NRP1: variants seen among roughly 807,000 people sequenced by gnomAD.
NRP1 encodes neuropilin-1.
Under a neutral mutation model 106.7 loss-of-function variants are expected in NRP1, and 35 were observed. That is an observed-to-expected ratio of 0.33 (90% CI 0.25 to 0.43). NRP1 has a LOEUF of 0.43. Among genes scored for constraint, NRP1 ranks in the 20% least tolerant of loss-of-function variants. NRP1 has a pLI of 1.00. For missense variants in NRP1, 1,024 were observed against 1,170.4 expected (o/e 0.87, Z 1.83); for synonymous variants, 437 against 417.9 (o/e 1.05, Z -0.56).
intron 6 of NRP1, among the ~76,000 whole-genome samples, chr10:33,233,371 G>A (rs1242353486): frequency 6.6e-6 from 1 of 152,070 alleles, no homozygotes; most frequent in East Asian, 1.9e-4. Context: ...AGTAATGACA[G>A]GAAACACATT....
intron 2 of NRP1, among the ~76,000 whole-genome samples, chr10:33,278,058 T>C (rs914682784): frequency 7.2e-5 from 11 of 152,184 alleles, no homozygotes; most frequent in African/African-American, 2.7e-4. Flanking sequence ...ACCATAGCAT[T>C]ACTACTTCTA....
At chr10:33,195,506 A>C (rs200307491) in intron 12 of NRP1, 82 of 533,266 alleles carry the variant, frequency 1.5e-4, no homozygotes, top group Non-Finnish European at 2.7e-4. Context: ...ATAATAGCAA[A>C]ATGGAATTAT....
chr10:33,283,890 C>CT (rs1281954291), intron 2 of NRP1, among the ~76,000 whole-genome samples: 1 of 152,166 alleles, frequency 6.6e-6, no homozygotes, highest in African/African-American at 2.4e-5. Context: ...GAAATGGGCT[C>CT]TGTGGTTGAA....
intron 11 of NRP1, chr10:33,201,280 A>G (rs1837282895): frequency 6.6e-6 from 1 of 152,206 alleles, no homozygotes. Context: ...CAAAAATGAG[A>G]AGGCTGGTTG....
At chr10:33,293,536 A>G (rs1311140682) in intron 2 of NRP1, among the ~76,000 whole-genome samples, 2 of 152,232 alleles carry the variant, frequency 1.3e-5, no homozygotes, top group Admixed American at 6.5e-5. Flanking sequence ...CGATAAGGAA[A>G]CAGAGCCCCC....
intron 9 of NRP1, among the ~76,000 whole-genome samples, chr10:33,210,691 A>G (rs1172088439): frequency 6.6e-6 from 1 of 152,194 alleles, no homozygotes. Flanking sequence ...CCCATTACCC[A>G]CTATTTTTGG....
chr10:33,267,154 G>A (rs1169714724), intron 3 of NRP1, among the ~76,000 whole-genome samples: 1 of 152,200 alleles, frequency 6.6e-6, no homozygotes, highest in Non-Finnish European at 1.5e-5. Flanking sequence ...AGTTTCCTGA[G>A]GCCTACCCAG....
intron 2 of NRP1, among the ~76,000 whole-genome samples, chr10:33,303,477 TTCC>T (rs1845943927): frequency 6.6e-6 from 1 of 152,206 alleles, no homozygotes; most frequent in Non-Finnish European, 1.5e-5. Flanking sequence ...TCTTCGCCCC[TTCC>T]TTCCATACTT....
intron 6 of NRP1, among the ~76,000 whole-genome samples, chr10:33,241,619 A>ACT (rs1186240020): frequency 6.6e-6 from 1 of 151,966 alleles, no homozygotes; most frequent in African/African-American, 2.4e-5. Flanking sequence ...TTTTTGGTGA[A>ACT]CAGGACTGTG....
chr10:33,190,440 G>GAGT (rs1836325098), intron 13 of NRP1, among the ~76,000 whole-genome samples: 1 of 152,188 alleles, frequency 6.6e-6, no homozygotes, highest in Non-Finnish European at 1.5e-5. Context: ...AGATTTGAAG[G>GAGT]AGTCCAATTT....
chr10:33,324,470 G>A (rs963703340), intron 2 of NRP1, among the ~76,000 whole-genome samples: 7 of 152,116 alleles, frequency 4.6e-5, no homozygotes. Context: ...AATAAAGCAG[G>A]CTCCAGATTG....
intron 1 of NRP1, among the ~76,000 whole-genome samples, chr10:33,331,566 T>C (rs1370964643): frequency 6.6e-6 from 1 of 152,212 alleles, no homozygotes; most frequent in Non-Finnish European, 1.5e-5. Context: ...GAAAAGTAAA[T>C]AGCCACATGG....
chr10:33,294,710 T>C (rs376038241), intron 2 of NRP1, among the ~76,000 whole-genome samples: 2 of 151,500 alleles, frequency 1.3e-5, no homozygotes, highest in East Asian at 3.9e-4. Context: ...ATGAGGAAGA[T>C]AAGAAGGAAA....
At chr10:33,279,222 C>T (rs918727737) in intron 2 of NRP1, among the ~76,000 whole-genome samples, 8 of 152,192 alleles carry the variant, frequency 5.3e-5, no homozygotes, top group African/African-American at 1.9e-4. Flanking sequence ...CAGTTCTTAG[C>T]TCACAGGTCT....
In NRP1 at chr10:33,193,864, G is replaced by A. The variant is rs142232454; in HGVS notation, c.1925-1446C>T. Among the ~76,000 whole-genome samples, 596 of 152,172 alleles carry A rather than the reference G, an allele frequency of 3.9e-3. 4 individuals are homozygous for A. Among genetic ancestry groups the A allele is most frequent in the African/African-American group, 0.013 (530 of 41,486 alleles). On this transcript the variant is annotated intron_variant, in intron 12 of 16. Coordinates refer to ENST00000374867, the MANE Select transcript of NRP1 (RefSeq NM_003873.7). ...TTTCTAGAGCTAATGTCAAATTTTG[G>A]AAGGAATCCACCATAAAAACTGTCC...
chr10:33,315,753 C>A (rs1846984516), intron 2 of NRP1, among the ~76,000 whole-genome samples: 1 of 152,134 alleles, frequency 6.6e-6, no homozygotes, highest in Non-Finnish European at 1.5e-5. Flanking sequence ...GGCTGGTTAT[C>A]AAAAATGGCT....
At chr10:33,323,373 G>C (rs991749301) in intron 2 of NRP1, among the ~76,000 whole-genome samples, 4 of 152,134 alleles carry the variant, frequency 2.6e-5, no homozygotes, top group Admixed American at 1.3e-4. Context: ...GGAAGACCAC[G>C]TTATAAGGCA....
chr10:33,251,160 A>G (rs1483722752), intron 6 of NRP1, among the ~76,000 whole-genome samples: 1 of 152,070 alleles, frequency 6.6e-6, no homozygotes, highest in African/African-American at 2.4e-5. Context: ...GTGAGTTCTC[A>G]TGAGATCTGA....
At position 33,194,634 on chromosome 10, in the gene NRP1, T is replaced by A. The variant is rs1318863420; in HGVS notation, c.1925-2216A>T. 1.5e-5 allele frequency: 7 copies of A among 465,310 alleles called. No homozygotes were observed. The East Asian group carries it at 4.8e-4, about 32-fold the overall frequency. 28.8% of individuals were successfully genotyped at this position (465,310 alleles called of 1,614,324 possible). A position where few individuals can be genotyped will look rare whatever the true frequency, so the allele number is the denominator to read the frequency against. On this transcript the variant is annotated intron_variant, in intron 12 of 16. Coordinates refer to ENST00000374867, the MANE Select transcript of NRP1 (RefSeq NM_003873.7). ...TTTAACCAGGTGAACCGCTCTAAGT[T>A]TTTGTATTTTACTGCTCTTTTATCT... is the stretch of plus-strand genomic sequence containing the variant.
Sources: allele counts gnomAD v4.1 joint callset (sites outside exome capture counted in the v4.1 genomes callset), GRCh38; gene constraint gnomAD v4.1.1; transcripts MANE v1.5; gene names NCBI Gene and HGNC (gene_info 2026-07-23, HGNC 2026-07-21).